The following CHM variants were observed in gnomAD, a reference collection of about 807,000 sequenced individuals.
The protein encoded by CHM is CHM Rab escort protein, also known as rab proteins geranylgeranyltransferase component A 1.
CHM carries 10 observed loss-of-function variants against 49.0 expected under a neutral mutation model. That is an observed-to-expected ratio of 0.20 (90% CI 0.13 to 0.35). The LOEUF (loss-of-function observed/expected upper bound fraction) is 0.35. CHM is among the 10% of genes least tolerant of loss of function. The pLI is 1.00. For synonymous variants in CHM, 184 were observed against 167.5 expected (o/e 1.10, Z -0.76); for missense variants, 455 against 478.4 (o/e 0.95, Z 0.46).
chrX:85,986,477 A>G (rs755569711), intron 2 of CHM, among the ~76,000 whole-genome samples: 1 of 111,197 alleles, frequency 9.0e-6, no homozygotes, highest in African/African-American at 3.3e-5. Context: ...GAGGCACACA[A>G]CCAAGCAAGA....
chrX:86,024,814 C>T (rs1436275558), intron 2 of CHM, among the ~76,000 whole-genome samples: 2 of 111,964 alleles, frequency 1.8e-5, no homozygotes, highest in Admixed American at 9.5e-5. Context: ...CAGAAGTATA[C>T]AAGTTTCGTT....
chrX:85,895,368 T>A (rs1264686286), intron 11 of CHM, among the ~76,000 whole-genome samples: 1 of 109,333 alleles, frequency 9.1e-6, no homozygotes, highest in African/African-American at 3.3e-5. Context: ...GATCTCCAAC[T>A]CATGACCTCA....
At chrX:85,895,947 T>A in intron 11 of CHM, among the ~76,000 whole-genome samples, 1 of 107,911 alleles carries the variant, frequency 9.3e-6, no homozygotes. Flanking sequence ...TGAGATGCAA[T>A]TAGTAACCTC....
intron 2 of CHM, among the ~76,000 whole-genome samples, chrX:86,002,917 G>A (rs959686808): frequency 1.8e-5 from 2 of 112,234 alleles, no homozygotes; most frequent in African/African-American, 3.2e-5. Context: ...CTCTGAGAAC[G>A]AACAGACTGC....
intron 12 of CHM, among the ~76,000 whole-genome samples, chrX:85,887,825 A>G (rs765327254): frequency 9.0e-6 from 1 of 111,458 alleles, no homozygotes; most frequent in Non-Finnish European, 1.9e-5. Flanking sequence ...TGCCCTACAG[A>G]TCCGTGGAAC....
At chrX:85,938,463 T>G (rs1251765570) in intron 8 of CHM, among the ~76,000 whole-genome samples, 3 of 110,609 alleles carry the variant, frequency 2.7e-5, no homozygotes, top group Non-Finnish European at 5.7e-5. Context: ...TAGAAGCTTT[T>G]TGTCAATCTA....
chrX:85,872,097 C>A (rs1482846726), intron 14 of CHM, among the ~76,000 whole-genome samples: 2 of 111,821 alleles, frequency 1.8e-5, no homozygotes, highest in Non-Finnish European at 3.8e-5. Flanking sequence ...TAGAAAAAAA[C>A]TGCAGATGTC....
chrX:85,932,451 T>C (rs1312050811), intron 8 of CHM, among the ~76,000 whole-genome samples: 2 of 112,348 alleles, frequency 1.8e-5, no homozygotes, highest in Non-Finnish European at 3.8e-5. Context: ...AAGCAATATT[T>C]CTTTTCTCAT....
intron 8 of CHM, among the ~76,000 whole-genome samples, chrX:85,946,303 C>T (rs1175278059): frequency 2.7e-5 from 3 of 112,475 alleles, no homozygotes; most frequent in African/African-American, 9.7e-5. Flanking sequence ...ACAGCCAAGA[C>T]AATGGGAAAA....
At chrX:85,936,524 G>A (rs1182507061) in intron 8 of CHM, among the ~76,000 whole-genome samples, 1 of 111,846 alleles carries the variant, frequency 8.9e-6, no homozygotes, top group Non-Finnish European at 1.9e-5. Context: ...ACATGACAAA[G>A]TTAGAATCAA....
At position 85,873,105 on chromosome X, in the gene CHM, A is replaced by G. The variant is rs1327953025; in HGVS notation, c.1717T>C (p.Tyr573His). Residue 573 changes from tyrosine to histidine, a missense_variant, in exon 14 of 15, where the codon TAT (tyrosine) becomes CAT (histidine). Tyr to His is a moderately conservative substitution (Grantham distance 83, BLOSUM62 2). Coordinates refer to ENST00000357749, the MANE Select transcript of CHM (RefSeq NM_000390.4). ...SCYNDLPSNV[Y>H]VCSGPDCGLG... is the part of the protein sequence containing the mutation. ...CCACAATCTGGGCCAGAGCAGACAT[A>G]AACGTTGGATGGTAAATCATTATAA... is the stretch of plus-strand genomic sequence containing the variant. 8.3e-7 allele frequency: 1 copy of G among 1,207,668 alleles called. No homozygotes were observed. Among genetic ancestry groups the G allele is most frequent in the Non-Finnish European group, 1.1e-6 (1 of 892,484 alleles).
At chrX:85,911,143 A>ATG (rs1926922017) in intron 9 of CHM, 118 bp downstream of exon 9, 5 of 14,161 alleles carry the variant, frequency 3.5e-4, no homozygotes. Context: ...ATATATATAT[A>ATG]TATATATATA....
intron 9 of CHM, chrX:85,903,817 G>C (rs1406992228): frequency 6.5e-6 from 2 of 305,352 alleles, no homozygotes; most frequent in Admixed American, 3.8e-5. Flanking sequence ...TAAAATATTT[G>C]TTTCTGCAGA....
intron 8 of CHM, 34 bp from the exon 9 acceptor site, chrX:85,911,372 A>G: frequency 7.9e-6 from 6 of 758,515 alleles, no homozygotes; most frequent in Non-Finnish European, 1.1e-5. Flanking sequence ...GAATTAGGGT[A>G]ATTGGGTTGA....
intron 11 of CHM, among the ~76,000 whole-genome samples, chrX:85,897,330 T>C (rs1330151270): frequency 1.9e-5 from 2 of 103,732 alleles, no homozygotes; most frequent in Non-Finnish European, 2.0e-5. Flanking sequence ...TGTGTGTGTG[T>C]GTGTGTGTGT....
intron 8 of CHM, among the ~76,000 whole-genome samples, chrX:85,947,664 A>G (rs780936373): frequency 8.9e-6 from 1 of 111,753 alleles, no homozygotes; most frequent in African/African-American, 3.3e-5. Context: ...CAATTTATCT[A>G]TAGAACAAAG....
intron 9 of CHM, among the ~76,000 whole-genome samples, chrX:85,904,258 G>C (rs1926460453): frequency 9.0e-6 from 1 of 111,079 alleles, no homozygotes; most frequent in Admixed American, 9.6e-5. Flanking sequence ...AACTTGAGGA[G>C]GAACGTAACA....
intron 2 of CHM, among the ~76,000 whole-genome samples, chrX:85,999,996 A>G (rs919907981): frequency 8.9e-5 from 10 of 111,854 alleles, no homozygotes; most frequent in Non-Finnish European, 1.7e-4. Context: ...CTTGAATAGA[A>G]TATACATGCA....
intron 2 of CHM, among the ~76,000 whole-genome samples, chrX:86,026,468 T>C (rs980719745): frequency 7.2e-5 from 8 of 110,399 alleles, no homozygotes; most frequent in Non-Finnish European, 1.3e-4. Flanking sequence ...ACCCATGATA[T>C]GTCAAAAAGA....
Sources: allele counts gnomAD v4.1 joint callset (sites outside exome capture counted in the v4.1 genomes callset), GRCh38; gene constraint gnomAD v4.1.1; transcripts MANE v1.5; gene names NCBI Gene and HGNC (gene_info 2026-07-23, HGNC 2026-07-21).